The following TIAM1 variants were observed in gnomAD, a reference collection of about 807,000 sequenced individuals.
The protein encoded by TIAM1 is TIAM Rac1 associated GEF 1, also known as rho guanine nucleotide exchange factor TIAM1.
A neutral mutation model predicts 163.5 loss-of-function variants in TIAM1; 65 were observed. The observed-to-expected ratio is 0.40, with a 90% CI of 0.33 to 0.49. TIAM1 has a LOEUF of 0.49. Ranked by LOEUF, TIAM1 falls within the 20% of genes least tolerant of loss-of-function variation. TIAM1 has a pLI of 0.77. For synonymous variants in TIAM1, 833 were observed against 810.1 expected (o/e 1.03, Z -0.48); for missense variants, 1,789 against 2,044.7 (o/e 0.87, Z 2.41).
chr21:31,361,669 G>A (rs2076408391), intron 2 of TIAM1, among the ~76,000 whole-genome samples: 1 of 152,154 alleles, frequency 6.6e-6, no homozygotes, highest in Non-Finnish European at 1.5e-5. Context: ...ATAAAATCTT[G>A]TATAAATATC....
intron 1 of TIAM1, among the ~76,000 whole-genome samples, chr21:31,531,292 T>A (rs1401989336): frequency 6.6e-6 from 1 of 152,118 alleles, no homozygotes; most frequent in Non-Finnish European, 1.5e-5. Context: ...TTTGCTCAGC[T>A]CCAACTGTAG....
chr21:31,160,520 C>T, intron 16 of TIAM1: 1 of 398,676 alleles, frequency 2.5e-6, no homozygotes, highest in Non-Finnish European at 4.4e-6. Flanking sequence ...TTATTTTCCA[C>T]AGTGCAGACA....
chr21:31,549,624 T>C (rs2048615602), intron 1 of TIAM1, among the ~76,000 whole-genome samples: 1 of 152,176 alleles, frequency 6.6e-6, no homozygotes, highest in Non-Finnish European at 1.5e-5. Flanking sequence ...ATACAGCCGC[T>C]CATCCAATAG....
At chr21:31,265,723 A>C (rs1420499502) in intron 4 of TIAM1, among the ~76,000 whole-genome samples, 1 of 152,324 alleles carries the variant, frequency 6.6e-6, no homozygotes, top group East Asian at 1.9e-4. Flanking sequence ...AAGAACTAAG[A>C]TGTAGAAGCA....
chr21:31,329,815 T>A (rs190769322), intron 2 of TIAM1, among the ~76,000 whole-genome samples: 1 of 152,310 alleles, frequency 6.6e-6, no homozygotes, highest in Non-Finnish European at 1.5e-5. Flanking sequence ...TTACTAGATG[T>A]CATGAGTAGA....
At chr21:31,164,368 C>T (rs2084100081) in intron 16 of TIAM1, among the ~76,000 whole-genome samples, 2 of 142,242 alleles carry the variant, frequency 1.4e-5, no homozygotes, top group South Asian at 2.2e-4. Context: ...CTAGCCTGGG[C>T]GACAGAGCGA....
intron 2 of TIAM1, among the ~76,000 whole-genome samples, chr21:31,450,101 C>T (rs905115818): frequency 1.3e-5 from 2 of 152,142 alleles, no homozygotes; most frequent in Non-Finnish European, 2.9e-5. Flanking sequence ...GCCTCCTGGG[C>T]CCCGAAAGCA....
intron 6 of TIAM1, among the ~76,000 whole-genome samples, chr21:31,231,839 C>T (rs1024345716): frequency 1.3e-5 from 2 of 151,986 alleles, no homozygotes; most frequent in Non-Finnish European, 1.5e-5. Flanking sequence ...ATGGTGAAAC[C>T]CCGTCTCTAC....
intron 2 of TIAM1, among the ~76,000 whole-genome samples, chr21:31,362,445 A>T (rs927839629): frequency 6.3e-5 from 9 of 142,784 alleles, no homozygotes; most frequent in African/African-American, 2.3e-4. Flanking sequence ...ATGCAGTGAC[A>T]ATTATTATTA....
At position 31,152,792 on chromosome 21, in the gene TIAM1, A is replaced by G. The variant is rs375959369; in HGVS notation, c.3241-31T>C. On this transcript the variant is annotated intron_variant, in intron 18 of 27. Transcript: ENST00000541036. ...AATAAAACAGAATTTAATGCACCTC[A>G]TATCTCATTAGTCTTCCTAAACGTT... 1.5e-4 allele frequency: 243 copies of G among 1,610,240 alleles called. 1 individual carries two copies. The highest frequency in any genetic ancestry group is 1.9e-4 in the Non-Finnish European group (221 of 1,178,476).
At chr21:31,269,051 T>C (rs770973531) in intron 3 of TIAM1, among the ~76,000 whole-genome samples, 3 of 152,208 alleles carry the variant, frequency 2.0e-5, no homozygotes, top group Non-Finnish European at 2.9e-5. Flanking sequence ...TCGCCTCAAA[T>C]ATGCTAAGAT....
At chr21:31,208,231 A>G (rs1337867175) in intron 11 of TIAM1, among the ~76,000 whole-genome samples, 1 of 152,206 alleles carries the variant, frequency 6.6e-6, no homozygotes, top group Non-Finnish European at 1.5e-5. Flanking sequence ...TCTTCCACCA[A>G]TCAATGGTAA....
At chr21:31,409,567 C>A (rs1047273463) in intron 2 of TIAM1, among the ~76,000 whole-genome samples, 1 of 152,192 alleles carries the variant, frequency 6.6e-6, no homozygotes, top group African/African-American at 2.4e-5. Context: ...GCCAAGCACA[C>A]AGGACTCCAT....
At chr21:31,295,278 G>A (rs189383353) in intron 2 of TIAM1, among the ~76,000 whole-genome samples, 4 of 152,038 alleles carry the variant, frequency 2.6e-5, no homozygotes, top group Non-Finnish European at 5.9e-5. Flanking sequence ...AGACCATCCC[G>A]GCTAACACGG....
chr21:31,338,419 G>C (rs1359421857), intron 2 of TIAM1, among the ~76,000 whole-genome samples: 1 of 152,200 alleles, frequency 6.6e-6, no homozygotes, highest in Non-Finnish European at 1.5e-5. Flanking sequence ...CTGCTAACAA[G>C]GTCGAGGTGC....
chr21:31,168,809 T>C (rs1171286562), intron 15 of TIAM1, among the ~76,000 whole-genome samples: 3 of 152,132 alleles, frequency 2.0e-5, no homozygotes, highest in African/African-American at 7.2e-5. Context: ...GATGATATCA[T>C]ATAATACCCA....
At chr21:31,157,759 C>G (rs1411486898) in intron 16 of TIAM1, among the ~76,000 whole-genome samples, 1 of 152,108 alleles carries the variant, frequency 6.6e-6, no homozygotes, top group African/African-American at 2.4e-5. Context: ...TCCACGCAGA[C>G]AGTGGTCCTG....
At chr21:31,556,723 T>G (rs141841173) in intron 1 of TIAM1, among the ~76,000 whole-genome samples, 3 of 152,324 alleles carry the variant, frequency 2.0e-5, no homozygotes, top group Admixed American at 1.3e-4. Flanking sequence ...TTGAAGATAT[T>G]CAATGAAATT....
intron 1 of TIAM1, among the ~76,000 whole-genome samples, chr21:31,524,417 C>G (rs1014224974): frequency 3.9e-5 from 6 of 152,144 alleles, no homozygotes; most frequent in Admixed American, 6.5e-5. Flanking sequence ...CCCCACAACA[C>G]AAACACCTCC....
Sources: gnomAD v4.1 joint callset for allele counts (sites outside exome capture counted in the v4.1 genomes callset) on GRCh38, gnomAD v4.1.1 for gene constraint, MANE v1.5 for transcripts, NCBI Gene and HGNC (gene_info 2026-07-23, HGNC 2026-07-21) for gene names.